SNRPN: variants seen among roughly 807,000 people sequenced by gnomAD.
SNRPN encodes the protein small nuclear ribonucleoprotein-associated protein N.
In SNRPN, 7 loss-of-function variants were observed where a neutral mutation model predicts 25.2. That is an observed-to-expected ratio of 0.28 (90% CI 0.16 to 0.52). SNRPN has a LOEUF of 0.52. SNRPN is among the 20% of genes least tolerant of loss of function. SNRPN has a pLI of 0.96. For missense variants in SNRPN, 196 were observed against 322.5 expected (o/e 0.61, Z 3.00); for synonymous variants, 124 against 110.6 (o/e 1.12, Z -0.76).
chr15:24,846,810 G>A (rs1261857802), intron 2 of SNRPN, among the ~76,000 whole-genome samples: 1 of 152,128 alleles, frequency 6.6e-6, no homozygotes, highest in Non-Finnish European at 1.5e-5. Context: ...GATTTTTATA[G>A]TTTTCTAAGG....
At chr15:24,918,567 T>C (rs940046482) in intron 2 of SNRPN, among the ~76,000 whole-genome samples, 2 of 86,242 alleles carry the variant, frequency 2.3e-5, no homozygotes, top group Middle Eastern at 0.011. Context: ...TAACATAATA[T>C]ATATGTATAT....
chr15:24,893,215 A>T (rs889126225), intron 2 of SNRPN, among the ~76,000 whole-genome samples: 15 of 122,496 alleles, frequency 1.2e-4, no homozygotes, highest in Non-Finnish European at 2.2e-4. Context: ...CTCAAAACAA[A>T]CAAACAAACA....
chr15:24,977,957 A>G (rs770009747), intron 8 of SNRPN, 41 bp downstream of exon 8: 3 of 1,510,596 alleles, frequency 2.0e-6, no homozygotes, highest in Non-Finnish European at 2.7e-6. Flanking sequence ...TGAATCTCTG[A>G]TGAGAGATAG....
intron 3 of SNRPN, among the ~76,000 whole-genome samples, chr15:24,925,699 C>T (rs918804012): frequency 2.0e-5 from 3 of 152,010 alleles, no homozygotes; most frequent in Admixed American, 6.6e-5. Flanking sequence ...CCATCTCAGC[C>T]TCCCCAGTGG....
chr15:24,933,654 G>A (rs2061033317), intron 3 of SNRPN, among the ~76,000 whole-genome samples: 2 of 152,166 alleles, frequency 1.3e-5, no homozygotes. Flanking sequence ...CACAGTCAAG[G>A]GAACTGAACA....
chr15:24,873,711 TGCTG>T (rs1383735756), intron 1 of SNRPN, among the ~76,000 whole-genome samples: 1 of 152,022 alleles, frequency 6.6e-6, no homozygotes, highest in Admixed American at 6.6e-5. Flanking sequence ...CCTCTCAAAG[TGCTG>T]GGATTACAGA....
chr15:24,939,084 A>C (rs1274021214), intron 3 of SNRPN, among the ~76,000 whole-genome samples: 1 of 152,202 alleles, frequency 6.6e-6, no homozygotes, highest in African/African-American at 2.4e-5. Context: ...CAAATAGTCA[A>C]ACACAGAAGC....
chr15:24,951,346 A>G (rs937101854), upstream of SNRPN, among the ~76,000 whole-genome samples: 3 of 151,892 alleles, frequency 2.0e-5, no homozygotes, highest in African/African-American at 4.8e-5. Context: ...TGTCTTTTTA[A>G]TTCTAGCCCC....
chr15:24,880,672 A>G (rs926309861), intron 1 of SNRPN, among the ~76,000 whole-genome samples: 8 of 152,162 alleles, frequency 5.3e-5, no homozygotes, highest in African/African-American at 1.9e-4. Context: ...AAATAAAAAA[A>G]TTAATATGTG....
intron 2 of SNRPN, among the ~76,000 whole-genome samples, chr15:24,908,606 AACAAGGTCT>A (rs2151998374): frequency 8.3e-6 from 1 of 120,450 alleles, no homozygotes; most frequent in East Asian, 2.6e-4. Flanking sequence ...GAAAGAACAG[AACAAGGTCT>A]GGGAAAGAAG....
chr15:24,974,239 T>C (rs1203315769), intron 3 of SNRPN, 72 bp from the exon 4 acceptor site: 9 of 581,754 alleles, frequency 1.5e-5, no homozygotes, highest in Non-Finnish European at 2.8e-5. Context: ...ATAGTGATTT[T>C]CATGCAAAAT....
chr15:24,977,711 T>C lies in SNRPN; in HGVS notation c.421-67T>C, dbSNP rs377167163. Reference sequence around the variant, plus strand: ...TAACTAATTGGTCATTTTTCTCATTTATTTTCTGTGTTTGAATAATGTGAA... The same window carrying C: ...TAACTAATTGGTCATTTTTCTCATTCATTTTCTGTGTTTGAATAATGTGAA... On this transcript the variant is annotated intron_variant, in intron 7 of 9. Coordinates refer to ENST00000390687, the MANE Select transcript of SNRPN (RefSeq NM_003097.6). 50 of 1,438,604 alleles carry C rather than the reference T, an allele frequency of 3.5e-5. No homozygotes were observed. The East Asian group carries it at 6.4e-4, about 18-fold the overall frequency. 89.1% of individuals were successfully genotyped at this position (1,438,604 alleles called of 1,614,324 possible).
In SNRPN at chr15:24,936,507, G is replaced by A. The variant is rs142803858; in HGVS notation, c.-391+16383G>A. On this transcript the variant is annotated intron_variant, in intron 3 of 11. Transcript: ENST00000400097. ...GACTGTATTGGTCCATTCCTGCACT[G>A]CTATAAAGAACTACCCGAGCCTGGG... 2.2e-3 allele frequency among the ~76,000 whole-genome samples: 336 copies of A among 152,238 alleles called. 1 individual carries two copies. Among genetic ancestry groups the A allele is most frequent in the African/African-American group, 7.5e-3 (311 of 41,516 alleles).
At chr15:24,891,615 T>G (rs1488078685) in intron 2 of SNRPN, among the ~76,000 whole-genome samples, 3 of 152,114 alleles carry the variant, frequency 2.0e-5, no homozygotes, top group Non-Finnish European at 4.4e-5. Context: ...TTTTTGTATT[T>G]TTAGTAGAAA....
At position 24,970,337 on chromosome 15, in the gene SNRPN, G is replaced by C. The variant is rs375478460; in HGVS notation, c.-144+2255G>C. Among the ~76,000 whole-genome samples, 5 of 152,092 alleles carry C rather than the reference G, an allele frequency of 3.3e-5. No homozygotes were observed. In the East Asian group the frequency reaches 7.7e-4, roughly 23 times the overall value. On this transcript the variant is annotated intron_variant, in intron 3 of 9. Transcript: ENST00000390687. Reference sequence around the variant, plus strand: ...GCTCACGCCTGTCATCCTAGCACTTGGGGAGGCTGAGGCAGGTGGATCACC... The same window carrying C: ...GCTCACGCCTGTCATCCTAGCACTTCGGGAGGCTGAGGCAGGTGGATCACC...
chr15:24,918,948 A>T (rs1444236407), intron 2 of SNRPN, among the ~76,000 whole-genome samples: 1 of 110,018 alleles, frequency 9.1e-6, no homozygotes, highest in Non-Finnish European at 1.8e-5. Flanking sequence ...CATATATATA[A>T]CATAATATAT....
chr15:24,834,728 C>A (rs553405678), intron 2 of SNRPN, among the ~76,000 whole-genome samples: 1 of 42,774 alleles, frequency 2.3e-5, no homozygotes, highest in Non-Finnish European at 4.5e-5. Flanking sequence ...TCTCTCTCTC[C>A]CTCTCTCTCT....
chr15:24,963,681 G>T (rs1163388657), intron 2 of SNRPN, among the ~76,000 whole-genome samples: 3 of 151,752 alleles, frequency 2.0e-5, no homozygotes, highest in Admixed American at 6.6e-5. Context: ...CAAATTAAAG[G>T]TTTTTCCTCA....
At position 24,835,104 on chromosome 15, in the gene SNRPN, A is replaced by AG. The variant is rs11371928; in HGVS notation, c.-579+5199_-579+5200insG. Among the ~76,000 whole-genome samples the AG allele has an allele frequency of 1.4e-3, 36 of 24,830 alleles. 2 individuals carry two copies. The highest frequency in any genetic ancestry group is 2.2e-3 in the African/African-American group (20 of 9,212). The allele number at this position is 24,830 out of a possible 152,430, so 16.3% of individuals were successfully genotyped here. On this transcript the variant is annotated intron_variant, in intron 2 of 12. Coordinates refer to the SNRPN transcript ENST00000400100. ...CTATATATAAAATATATAGATATATATACTATATATCTATATATAAAATAT... is the reference window on the plus strand; with the variant it reads ...CTATATATAAAATATATAGATATATAGTACTATATATCTATATATAAAATAT...
Sources: gnomAD v4.1 joint callset for allele counts (sites outside exome capture counted in the v4.1 genomes callset) on GRCh38, gnomAD v4.1.1 for gene constraint, MANE v1.5 for transcripts, NCBI Gene and HGNC (gene_info 2026-07-23, HGNC 2026-07-21) for gene names.